Variants in TRMT11 observed in about 807,000 individuals in gnomAD.
TRMT11 encodes the protein tRNA (guanine(10)-N(2))-methyltransferase TRMT11.
TRMT11 carries 53 observed loss-of-function variants against 62.8 expected under a neutral mutation model. The ratio of observed to expected loss-of-function variants is 0.84; its 90% CI spans 0.68 to 1.06. TRMT11 has a LOEUF of 1.06. Ranked by LOEUF, TRMT11 falls within the 50% of genes least tolerant of loss-of-function variation. TRMT11 has a pLI of 0.00. For synonymous variants in TRMT11, 188 were observed against 190.3 expected, an observed-to-expected ratio of 0.99 and a Z score of 0.10; for missense variants, 556 against 553.4, an observed-to-expected ratio of 1.00 and a Z score of -0.05.
chr6:126,038,605 AGT>A lies in TRMT11; in HGVS notation c.1261-98_1261-97del, dbSNP rs943310617. ...GAAGGAAGATAAATATGCACTAGAGAGTGAGATTTTGCTTAAGATTTTGCTTA... is the reference window on the plus strand; with the variant it reads ...GAAGGAAGATAAATATGCACTAGAGAGAGATTTTGCTTAAGATTTTGCTTA... On this transcript the variant is annotated intron_variant, in intron 12 of 12. Coordinates refer to ENST00000334379, the MANE Select transcript of TRMT11 (RefSeq NM_001031712.3). 3.9e-4 allele frequency: 373 copies of A among 949,858 alleles called. 1 individual carries two copies. The highest frequency in any genetic ancestry group is 5.1e-4 in the Non-Finnish European group (332 of 645,660). 58.8% of individuals were successfully genotyped at this position (949,858 alleles called of 1,614,324 possible). A position where few individuals can be genotyped will look rare whatever the true frequency, so the allele number is the denominator to read the frequency against.
At chr6:126,142,982 A>G (rs1035133279) in intron 21 of TRMT11, among the ~76,000 whole-genome samples, 2 of 152,136 alleles carry the variant, frequency 1.3e-5, no homozygotes, top group African/African-American at 4.8e-5. Flanking sequence ...ATAGAGTGCT[A>G]AAGATATATA....
intron 1 of TRMT11, among the ~76,000 whole-genome samples, chr6:126,183,270 A>G (rs1454695680): frequency 6.6e-6 from 1 of 152,212 alleles, no homozygotes; most frequent in African/African-American, 2.4e-5. Context: ...GATAAGGCCA[A>G]CAAAGGAACT....
At chr6:126,204,937 C>T (rs1477499235), downstream of TRMT11, among the ~76,000 whole-genome samples, 2 of 152,228 alleles carry the variant, frequency 1.3e-5, no homozygotes, top group Middle Eastern at 3.2e-3. Context: ...AAGATATTTA[C>T]ACCTAGGACC....
At chr6:126,257,756 GT>G in the TRMT11 span, among the ~76,000 whole-genome samples, 1 of 152,130 alleles carries the variant, frequency 6.6e-6, no homozygotes, top group Non-Finnish European at 1.5e-5. Context: ...AGTCTCATCG[GT>G]TTAATAACAA....
chr6:126,100,776 TTTA>T (rs1367143164), intron 17 of TRMT11, among the ~76,000 whole-genome samples: 1 of 152,210 alleles, frequency 6.6e-6, no homozygotes, highest in Non-Finnish European at 1.5e-5. Context: ...ACACTTTATT[TTTA>T]TTATTATTAC....
the TRMT11 span, among the ~76,000 whole-genome samples, chr6:126,239,968 T>C: frequency 6.6e-6 from 1 of 152,198 alleles, no homozygotes; most frequent in Non-Finnish European, 1.5e-5. Context: ...TGATCTTCCA[T>C]CACTGATACC....
At chr6:126,168,841 C>A (rs1332108410) in intron 21 of TRMT11, among the ~76,000 whole-genome samples, 2 of 152,186 alleles carry the variant, frequency 1.3e-5, no homozygotes, top group Admixed American at 6.5e-5. Context: ...TATAAAAGTA[C>A]AAACCACTTG....
At position 126,001,616 on chromosome 6, in the gene TRMT11, TA is replaced by T. The variant is rs374893015; in HGVS notation, c.679+2004del. On this transcript the variant is annotated intron_variant, in intron 7 of 12. Coordinates refer to ENST00000334379, the MANE Select transcript of TRMT11 (RefSeq NM_001031712.3). The stretch of plus-strand genomic sequence containing the variant: ...AATTACTGGTGGTTTTATTTTATTT[TA>T]TTTTTTTTCTTGCTATTAAGCAATC... Among the ~76,000 whole-genome samples the T allele has an allele frequency of 1.6e-3, 246 of 152,244 alleles. 1 individual carries two copies. The highest frequency in any genetic ancestry group is 4.2e-3 in the African/African-American group (176 of 41,578).
chr6:125,986,786 G>A lies in TRMT11; in HGVS notation c.72+164G>A, dbSNP rs552689721. 1,238 of 636,954 alleles carry A rather than the reference G, an allele frequency of 1.9e-3. 2 individuals are homozygous for A. The highest frequency in any genetic ancestry group is 2.8e-3 in the Non-Finnish European group (1,048 of 371,866). 39.5% of individuals were successfully genotyped at this position (636,954 alleles called of 1,614,324 possible). A position where few individuals can be genotyped will look rare whatever the true frequency, so the allele number is the denominator to read the frequency against. On this transcript the variant is annotated intron_variant, in intron 1 of 12. Coordinates refer to ENST00000334379, the MANE Select transcript of TRMT11 (RefSeq NM_001031712.3). The stretch of plus-strand genomic sequence containing the variant: ...GTCCTCGGGCGGGGTGAGCTTGGCG[G>A]AGGGTGTGTGTGAGAGAAGTCCGAG...
chr6:126,242,212 G>GA, the TRMT11 span, among the ~76,000 whole-genome samples: 1 of 152,080 alleles, frequency 6.6e-6, no homozygotes, highest in Non-Finnish European at 1.5e-5. Context: ...AAATACCTAG[G>GA]AATCCAACTT....
At chr6:126,029,105 C>T (rs1265314925) in intron 12 of TRMT11, among the ~76,000 whole-genome samples, 1 of 152,098 alleles carries the variant, frequency 6.6e-6, no homozygotes, top group Non-Finnish European at 1.5e-5. Flanking sequence ...AGATTTTCCT[C>T]ATTGTATACT....
At chr6:126,179,715 T>C (rs957351798) in intron 1 of TRMT11, among the ~76,000 whole-genome samples, 1 of 152,206 alleles carries the variant, frequency 6.6e-6, no homozygotes, top group Non-Finnish European at 1.5e-5. Context: ...GAAGAATAAC[T>C]ATAAGACAGC....
At chr6:126,183,908 G>T (rs1321893420) in intron 1 of TRMT11, among the ~76,000 whole-genome samples, 1 of 152,172 alleles carries the variant, frequency 6.6e-6, no homozygotes, top group African/African-American at 2.4e-5. Flanking sequence ...GCGAGTCGCA[G>T]CTCTAGCTGT....
chr6:126,159,885 A>G (rs564075694), intron 21 of TRMT11, among the ~76,000 whole-genome samples: 2 of 152,186 alleles, frequency 1.3e-5, no homozygotes, highest in Non-Finnish European at 2.9e-5. Context: ...TTTTTCAAAT[A>G]ATAACATTGT....
At chr6:126,166,595 C>T (rs1778269216) in intron 21 of TRMT11, among the ~76,000 whole-genome samples, 1 of 152,178 alleles carries the variant, frequency 6.6e-6, no homozygotes. Context: ...GGGTCAAGGA[C>T]CCACTTGAGG....
At chr6:126,123,312 G>A (rs1290601017) in intron 21 of TRMT11, among the ~76,000 whole-genome samples, 1 of 152,080 alleles carries the variant, frequency 6.6e-6, no homozygotes, top group Non-Finnish European at 1.5e-5. Flanking sequence ...TTTGGGGGCA[G>A]GAAGGGAGTG....
intron 21 of TRMT11, among the ~76,000 whole-genome samples, chr6:126,166,635 C>T (rs113191984): frequency 1.6e-4 from 25 of 152,204 alleles, no homozygotes; most frequent in Admixed American, 5.9e-4. Context: ...AGAGCTCGAG[C>T]GCTATGCTGG....
chr6:126,179,817 A>AT (rs1223639504), intron 1 of TRMT11, among the ~76,000 whole-genome samples: 5 of 152,234 alleles, frequency 3.3e-5, no homozygotes, highest in African/African-American at 4.8e-5. Context: ...GTTTTCTGAA[A>AT]TATTGTTATA....
Position 125,998,269 on chromosome 6 carries a change from CT to C in TRMT11, c.345del (p.Phe115LeufsTer5). On this transcript the variant is annotated frameshift_variant, in exon 5 of 13. Transcript: ENST00000334379. LOFTEE classifies it high-confidence loss of function. ...SDSTYKIKIH[T>X]FNKTLTQEEK... ...TCTACATATAAAATAAAGATTCACA[CT>C]TTTAATAAGACATTGACACAAGAAG... 1 of 1,603,010 alleles carries C rather than the reference CT, an allele frequency of 6.2e-7. No homozygotes were observed. Among genetic ancestry groups the C allele is most frequent in the Non-Finnish European group, 8.5e-7 (1 of 1,170,800 alleles).
Sources: gnomAD v4.1 joint callset for allele counts (sites outside exome capture counted in the v4.1 genomes callset) on GRCh38, gnomAD v4.1.1 for gene constraint, MANE v1.5 for transcripts, NCBI Gene and HGNC (gene_info 2026-07-23, HGNC 2026-07-21) for gene names.